The following FLT1 variants were observed in gnomAD, a reference collection of about 807,000 sequenced individuals.
FLT1 encodes fms related receptor tyrosine kinase 1.
FLT1 carries 49 observed loss-of-function variants against 156.3 expected under a neutral mutation model. The ratio of observed to expected loss-of-function variants is 0.31; its 90% CI spans 0.25 to 0.40. The LOEUF (loss-of-function observed/expected upper bound fraction) is 0.40. Among genes scored for constraint, FLT1 ranks in the 10% least tolerant of loss-of-function variants. The pLI is 1.00. For synonymous variants in FLT1, 594 were observed against 583.8 expected, an observed-to-expected ratio of 1.02 and a Z score of -0.25; for missense variants, 1,322 against 1,637.2, an observed-to-expected ratio of 0.81 and a Z score of 3.32.
intron 25 of FLT1, 35 bp from the exon 26 acceptor site, chr13:28,312,133 A>G: frequency 7.6e-7 from 1 of 1,310,650 alleles, no homozygotes; most frequent in Non-Finnish European, 1.1e-6. Context: ...ATAGTTGGAG[A>G]GCAGTGATCA....
At chr13:28,463,821 A>G (rs536302247) in intron 3 of FLT1, among the ~76,000 whole-genome samples, 1 of 152,308 alleles carries the variant, frequency 6.6e-6, no homozygotes, top group Non-Finnish European at 1.5e-5. Flanking sequence ...AATGAGAGAG[A>G]GACATAAAAT....
intron 13 of FLT1, chr13:28,385,949 T>TA (rs1183726501): frequency 2.9e-6 from 3 of 1,042,872 alleles, no homozygotes; most frequent in Non-Finnish European, 3.5e-6. Context: ...GCTTCCAAGG[T>TA]AAAAAATAAA....
At chr13:28,464,610 G>A (rs1879753444) in intron 3 of FLT1, among the ~76,000 whole-genome samples, 1 of 152,276 alleles carries the variant, frequency 6.6e-6, no homozygotes, top group African/African-American at 2.4e-5. Flanking sequence ...CATGGACCGT[G>A]CCATCACAGG....
intron 8 of FLT1, among the ~76,000 whole-genome samples, chr13:28,429,601 G>A (rs529758505): frequency 6.6e-6 from 1 of 152,184 alleles, no homozygotes; most frequent in East Asian, 1.9e-4. Context: ...ATTAATGTTT[G>A]TTTAATTTTA....
chr13:28,472,463 T>A (rs752573997), intron 1 of FLT1, among the ~76,000 whole-genome samples: 1 of 152,240 alleles, frequency 6.6e-6, no homozygotes, highest in Non-Finnish European at 1.5e-5. Flanking sequence ...ATGTAAAGTC[T>A]GTAAAGTCTG....
chr13:28,335,037 A>T (rs1338846130), intron 17 of FLT1, among the ~76,000 whole-genome samples: 2 of 152,082 alleles, frequency 1.3e-5, no homozygotes, highest in African/African-American at 4.8e-5. Flanking sequence ...AGGTAACTAG[A>T]GGGGCCCATG....
In FLT1 at chr13:28,308,941, A is replaced by G. The variant is rs373145963; in HGVS notation, c.3636-14T>C. 1.5e-4 allele frequency: 226 copies of G among 1,510,230 alleles called. 1 individual carries two copies. Among genetic ancestry groups the G allele is most frequent in the Non-Finnish European group, 2.1e-4 (223 of 1,084,918 alleles). The allele number at this position is 1,510,230 out of a possible 1,614,324, so 93.6% of individuals were successfully genotyped here. A position where few individuals can be genotyped will look rare whatever the true frequency, so the allele number is the denominator to read the frequency against. ...GCATTTACGTATCTAATGAAGAAACAGAAAGAATTATCAAGACAGGAAAAG... is the reference window on the plus strand; with the variant it reads ...GCATTTACGTATCTAATGAAGAAACGGAAAGAATTATCAAGACAGGAAAAG... On this transcript the variant is annotated splice_polypyrimidine_tract_variant and intron_variant, in intron 27 of 29. Coordinates refer to ENST00000282397, the MANE Select transcript of FLT1 (RefSeq NM_002019.4).
intron 1 of FLT1, among the ~76,000 whole-genome samples, chr13:28,493,948 G>GT (rs1881601623): frequency 6.6e-6 from 1 of 152,246 alleles, no homozygotes; most frequent in Non-Finnish European, 1.5e-5. Context: ...GGCTAGGCTT[G>GT]TAAGTCAGTA....
chr13:28,374,365 C>T (rs148976750), intron 14 of FLT1, among the ~76,000 whole-genome samples: 1,922 of 151,742 alleles, frequency 0.013, 45 homozygotes, highest in African/African-American at 0.044. Context: ...CAGTGAGCCA[C>T]GATCATGTCA....
chr13:28,387,832 G>T (rs532677088), intron 13 of FLT1: 1 of 952,346 alleles, frequency 1.1e-6, no homozygotes, highest in African/African-American at 1.8e-5. Flanking sequence ...AAGACTCTCC[G>T]GAAGGATTAA....
In FLT1 at chr13:28,365,800, T is replaced by C. The variant is rs144998109; in HGVS notation, c.2117-8115A>G. ...GGCTTCTGACACTAAATACAGATTC[T>C]TTAACCACTGAAGCCATAACAATTC... On this transcript the variant is annotated intron_variant, in intron 14 of 29. Coordinates refer to ENST00000282397, the MANE Select transcript of FLT1 (RefSeq NM_002019.4). Among the ~76,000 whole-genome samples the C allele has an allele frequency of 7.4e-3, 1,129 of 152,358 alleles. 11 individuals carry two copies. The highest frequency in any genetic ancestry group is 0.026 in the African/African-American group (1,083 of 41,580).
At chr13:28,451,849 C>A (rs1008386902) in intron 3 of FLT1, among the ~76,000 whole-genome samples, 1 of 152,188 alleles carries the variant, frequency 6.6e-6, no homozygotes, top group African/African-American at 2.4e-5. Context: ...ACACTGACAT[C>A]CCTCCGGGGG....
chr13:28,308,310 C>G, intron 28 of FLT1: 1 of 185,610 alleles, frequency 5.4e-6, no homozygotes, highest in Non-Finnish European at 1.2e-5. Flanking sequence ...CCCCACATCA[C>G]AGGGCTTTAG....
At chr13:28,486,575 A>C (rs1881181245) in intron 1 of FLT1, among the ~76,000 whole-genome samples, 1 of 152,240 alleles carries the variant, frequency 6.6e-6, no homozygotes, top group Non-Finnish European at 1.5e-5. Flanking sequence ...CCACAGCATA[A>C]GGCAGAAGCA....
At chr13:28,437,288 C>A (rs192037894) in intron 4 of FLT1, among the ~76,000 whole-genome samples, 130 of 152,238 alleles carry the variant, frequency 8.5e-4, no homozygotes, top group African/African-American at 2.9e-3. Context: ...AGAGTGAATG[C>A]AAGGAAAGAG....
At chr13:28,438,621 C>A (rs374991914) in intron 3 of FLT1, among the ~76,000 whole-genome samples, 1 of 152,168 alleles carries the variant, frequency 6.6e-6, no homozygotes, top group Admixed American at 6.5e-5. Flanking sequence ...GGGGGGACCA[C>A]TGTGGGAAAA....
At chr13:28,353,845 T>C (rs1479378931) in intron 15 of FLT1, among the ~76,000 whole-genome samples, 1 of 152,234 alleles carries the variant, frequency 6.6e-6, no homozygotes, top group African/African-American at 2.4e-5. Flanking sequence ...GAAGGTACTT[T>C]GACTCCACAG....
intron 14 of FLT1, among the ~76,000 whole-genome samples, chr13:28,361,274 A>G (rs556937487): frequency 3.4e-4 from 51 of 152,042 alleles, no homozygotes; most frequent in Non-Finnish European, 6.8e-4. Flanking sequence ...GCAAGACTCC[A>G]TCTCAAAAAA....
chr13:28,313,277 C>T (rs1871077707), intron 25 of FLT1, among the ~76,000 whole-genome samples: 1 of 152,180 alleles, frequency 6.6e-6, no homozygotes, highest in Non-Finnish European at 1.5e-5. Context: ...CTGCGCCCGG[C>T]CTCTTCTTTA....
Sources: allele counts gnomAD v4.1 joint callset (sites outside exome capture counted in the v4.1 genomes callset), GRCh38; gene constraint gnomAD v4.1.1; transcripts MANE v1.5; gene names NCBI Gene and HGNC (gene_info 2026-07-23, HGNC 2026-07-21).